The following GALNTL6 variants were observed in gnomAD, a reference collection of about 807,000 sequenced individuals.
The protein encoded by GALNTL6 is polypeptide N-acetylgalactosaminyltransferase like 6, also known as polypeptide N-acetylgalactosaminyltransferase-like 6.
Under a neutral mutation model 73.7 loss-of-function variants are expected in GALNTL6, and 46 were observed. The ratio of observed to expected loss-of-function variants is 0.62; its 90% CI spans 0.49 to 0.80. GALNTL6 has a LOEUF of 0.80. GALNTL6 is among the 30% of genes least tolerant of loss of function. The pLI is 0.00. For missense variants in GALNTL6, 604 were observed against 755.0 expected (o/e 0.80, Z 2.34); for synonymous variants, 259 against 263.7 (o/e 0.98, Z 0.17).
chr4:172,535,563 T>A (rs1735318867), intron 5 of GALNTL6, among the ~76,000 whole-genome samples: 1 of 152,220 alleles, frequency 6.6e-6, no homozygotes, highest in African/African-American at 2.4e-5. Context: ...AGAATATGCC[T>A]TTGAACAATA....
intron 5 of GALNTL6, among the ~76,000 whole-genome samples, chr4:172,605,307 CAA>C (rs1738211320): frequency 6.6e-6 from 1 of 152,146 alleles, no homozygotes; most frequent in Non-Finnish European, 1.5e-5. Flanking sequence ...AAACCCACAT[CAA>C]TACCCAAAAA....
At chr4:172,435,952 G>A (rs969807015) in intron 5 of GALNTL6, among the ~76,000 whole-genome samples, 3 of 151,936 alleles carry the variant, frequency 2.0e-5, no homozygotes, top group Non-Finnish European at 4.4e-5. Context: ...ATCCTTTCAC[G>A]TGTGAAATTG....
chr4:172,692,861 A>G (rs1733399768), intron 5 of GALNTL6, among the ~76,000 whole-genome samples: 1 of 152,178 alleles, frequency 6.6e-6, no homozygotes, highest in Admixed American at 6.5e-5. Flanking sequence ...CTTCTACAAT[A>G]CAGACTTTGA....
chr4:172,600,280 T>G (rs1416267865), intron 5 of GALNTL6, among the ~76,000 whole-genome samples: 1 of 152,056 alleles, frequency 6.6e-6, no homozygotes, highest in East Asian at 1.9e-4. Flanking sequence ...TAACAAAAGA[T>G]TTCAACAACT....
intron 3 of GALNTL6, among the ~76,000 whole-genome samples, chr4:172,273,548 G>A (rs189191451): frequency 2.6e-4 from 40 of 152,242 alleles, no homozygotes; most frequent in African/African-American, 8.9e-4. Flanking sequence ...ATAATACAAT[G>A]GAAACAGAAA....
intron 7 of GALNTL6, among the ~76,000 whole-genome samples, chr4:172,874,994 G>T (rs1249853344): frequency 6.6e-6 from 1 of 152,208 alleles, no homozygotes; most frequent in Non-Finnish European, 1.5e-5. Context: ...GCAGCTGCCA[G>T]CTGGAGGGGG....
intron 2 of GALNTL6, among the ~76,000 whole-genome samples, chr4:171,846,079 A>G (rs1735360462): frequency 6.6e-6 from 1 of 152,198 alleles, no homozygotes; most frequent in Non-Finnish European, 1.5e-5. Context: ...ATTTTATGAC[A>G]GATATGAGGT....
chr4:172,739,476 G>A (rs1736676114), intron 5 of GALNTL6, among the ~76,000 whole-genome samples: 1 of 152,102 alleles, frequency 6.6e-6, no homozygotes, highest in African/African-American at 2.4e-5. Context: ...TTGATTGGTA[G>A]GTTAGTGGGT....
rs571920520 is a variant in GALNTL6, at chr4:172,930,552, T to C, written c.1042-609T>C. Among the ~76,000 whole-genome samples, 12 of 152,340 alleles carry C rather than the reference T, an allele frequency of 7.9e-5. No individual in the cohort carries two copies. In the South Asian group the frequency reaches 2.3e-3, roughly 29 times the overall value. On this transcript the variant is annotated intron_variant, in intron 8 of 12. Transcript: ENST00000506823. ...TTTTACAAGATTATTGAAACAAATA[T>C]CTATATAAATAAGATGTCTAAGCAT...
intron 2 of GALNTL6, among the ~76,000 whole-genome samples, chr4:171,971,915 G>T (rs531670293): frequency 6.6e-6 from 1 of 152,122 alleles, no homozygotes; most frequent in Admixed American, 6.6e-5. Context: ...GGTCTGGGAT[G>T]GTTCAGCTAG....
At chr4:171,854,685 G>A (rs1027263109) in intron 2 of GALNTL6, among the ~76,000 whole-genome samples, 7 of 152,140 alleles carry the variant, frequency 4.6e-5, no homozygotes, top group Non-Finnish European at 1.0e-4. Context: ...TAGAGGATTT[G>A]GTGACTGGTG....
At chr4:172,431,659 G>T (rs1731456255) in intron 5 of GALNTL6, among the ~76,000 whole-genome samples, 1 of 151,954 alleles carries the variant, frequency 6.6e-6, no homozygotes, top group Non-Finnish European at 1.5e-5. Flanking sequence ...CAGCTAAATG[G>T]GTTCTACCAT....
intron 5 of GALNTL6, among the ~76,000 whole-genome samples, chr4:172,568,185 C>T (rs946712121): frequency 3.3e-5 from 5 of 152,146 alleles, no homozygotes; most frequent in Admixed American, 2.6e-4. Flanking sequence ...CGAGTCTCCT[C>T]AGTGGCAATT....
At chr4:172,435,824 A>G (rs1167121385) in intron 5 of GALNTL6, among the ~76,000 whole-genome samples, 1 of 152,146 alleles carries the variant, frequency 6.6e-6, no homozygotes, top group Non-Finnish European at 1.5e-5. Context: ...AGAAATAAGA[A>G]TAGTATGAGC....
intron 2 of GALNTL6, among the ~76,000 whole-genome samples, chr4:172,037,145 T>C (rs1741949591): frequency 6.6e-6 from 1 of 152,198 alleles, no homozygotes; most frequent in Non-Finnish European, 1.5e-5. Flanking sequence ...CTTGCTAAGA[T>C]AACGGGCCCA....
At chr4:172,449,826 T>C (rs1475559210) in intron 5 of GALNTL6, among the ~76,000 whole-genome samples, 1 of 152,180 alleles carries the variant, frequency 6.6e-6, no homozygotes, top group East Asian at 1.9e-4. Context: ...TTCTCCCACA[T>C]TTCAGGTTTA....
At chr4:171,871,867 CTTA>C (rs1430920336) in intron 2 of GALNTL6, among the ~76,000 whole-genome samples, 3 of 152,142 alleles carry the variant, frequency 2.0e-5, no homozygotes, top group Non-Finnish European at 4.4e-5. Flanking sequence ...TACCTGTTTT[CTTA>C]TTAAGCTAAA....
intron 5 of GALNTL6, among the ~76,000 whole-genome samples, chr4:172,626,740 A>T (rs769564967): frequency 1.1e-4 from 16 of 152,080 alleles, no homozygotes; most frequent in South Asian, 2.1e-4. Flanking sequence ...ATTCCTAGGT[A>T]ATTTTTGTGT....
At chr4:171,998,851 G>T (rs1740581825) in intron 2 of GALNTL6, among the ~76,000 whole-genome samples, 1 of 152,084 alleles carries the variant, frequency 6.6e-6, no homozygotes, top group African/African-American at 2.4e-5. Context: ...ATGTTTCAGA[G>T]TTGGCTTAAT....
Sources: allele counts gnomAD v4.1 joint callset (sites outside exome capture counted in the v4.1 genomes callset), GRCh38; gene constraint gnomAD v4.1.1; transcripts MANE v1.5; gene names NCBI Gene and HGNC (gene_info 2026-07-23, HGNC 2026-07-21).